The following BCKDHB variants were observed in gnomAD, a reference collection of about 807,000 sequenced individuals.
BCKDHB encodes the protein 2-oxoisovalerate dehydrogenase subunit beta, mitochondrial.
A neutral mutation model predicts 48.5 loss-of-function variants in BCKDHB; 41 were observed. The ratio of observed to expected loss-of-function variants is 0.85; its 90% confidence interval spans 0.66 to 1.10. The LOEUF (loss-of-function observed/expected upper bound fraction) is 1.10. Ranked by LOEUF, BCKDHB falls within the 50% of genes least tolerant of loss-of-function variation. BCKDHB has a pLI of 0.00. For missense variants in BCKDHB, 496 were observed against 494.2 expected, an observed-to-expected ratio of 1.00 and a Z score of -0.03; for synonymous variants, 201 against 174.8, an observed-to-expected ratio of 1.15 and a Z score of -1.18.
At chr6:80,116,489 A>G (rs998363828) in intron 1 of BCKDHB, among the ~76,000 whole-genome samples, 4 of 152,256 alleles carry the variant, frequency 2.6e-5, no homozygotes, top group Non-Finnish European at 5.9e-5. Flanking sequence ...GATCAAAAGC[A>G]TTTAAGGATA....
chr6:80,356,617 C>A, the BCKDHB span: 2 of 151,900 alleles, frequency 1.3e-5, no homozygotes, highest in African/African-American at 4.8e-5. Flanking sequence ...GAGAACATAG[C>A]CATGTTAGGG....
At chr6:80,419,649 C>T in the BCKDHB span, among the ~76,000 whole-genome samples, 2 of 152,170 alleles carry the variant, frequency 1.3e-5, no homozygotes, top group Non-Finnish European at 2.9e-5. Flanking sequence ...ACCCCATCAA[C>T]TGATGTGTCT....
chr6:80,237,861 A>G (rs1278451775), intron 8 of BCKDHB, among the ~76,000 whole-genome samples: 1 of 152,222 alleles, frequency 6.6e-6, no homozygotes, highest in Non-Finnish European at 1.5e-5. Context: ...GGCCATCCCT[A>G]TCAGCTGGAG....
chr6:80,191,902 A>G (rs1309604189), intron 6 of BCKDHB, among the ~76,000 whole-genome samples: 2 of 152,210 alleles, frequency 1.3e-5, no homozygotes, highest in Admixed American at 6.5e-5. Flanking sequence ...CAATTTTTTA[A>G]TGAATTCATT....
intron 8 of BCKDHB, among the ~76,000 whole-genome samples, chr6:80,246,274 A>C (rs913010509): frequency 2.6e-5 from 4 of 152,188 alleles, no homozygotes; most frequent in African/African-American, 7.2e-5. Context: ...AAGCATTGAG[A>C]GAAGGAAGGT....
At position 80,204,088 on chromosome 6, in the gene BCKDHB, T is replaced by C. The variant is rs74993713; in HGVS notation, c.951+876T>C. ...TGACATGTATTATTTTTTCTTGATA[T>C]ACTGCTATAGTATAGGGCATTTTAT... is the stretch of plus-strand genomic sequence containing the variant. On this transcript the variant is annotated intron_variant, in intron 8 of 9. Coordinates refer to ENST00000320393, the MANE Select transcript of BCKDHB (RefSeq NM_183050.4). Among the ~76,000 whole-genome samples the C allele has an allele frequency of 9.1e-3, 1,388 of 152,244 alleles. 27 individuals are homozygous for C. The highest frequency in any genetic ancestry group is 0.031 in the African/African-American group (1,298 of 41,564).
chr6:80,168,895 GTATCGC>G lies in BCKDHB; in HGVS notation c.506_511del (p.Tyr169_Arg170del). The stretch of plus-strand genomic sequence containing the variant: ...CTCAGATTGTTAATGAAGCTGCCAA[GTATCGC>G]TATCGCTCTGGGGATCTTTTTAACT... On this transcript the variant is annotated inframe_deletion, in exon 5 of 10. Transcript: ENST00000320393. 6.2e-7 allele frequency: 1 copy of G among 1,614,110 alleles called. No individual in the cohort carries two copies. The highest frequency in any genetic ancestry group is 8.5e-7 in the Non-Finnish European group (1 of 1,179,986).
chr6:80,126,839 T>G (rs575529772), intron 1 of BCKDHB, among the ~76,000 whole-genome samples: 5 of 152,250 alleles, frequency 3.3e-5, no homozygotes, highest in Admixed American at 3.3e-4. Flanking sequence ...AAGGTGAAGA[T>G]AGAAGGACAT....
intron 6 of BCKDHB, among the ~76,000 whole-genome samples, chr6:80,185,228 T>G (rs1419820209): frequency 6.6e-6 from 1 of 152,180 alleles, no homozygotes; most frequent in Non-Finnish European, 1.5e-5. Context: ...GCAGTGTATT[T>G]TTTATTTCTC....
chr6:80,388,378 A>G, the BCKDHB span, among the ~76,000 whole-genome samples: 300 of 152,264 alleles, frequency 2.0e-3, 2 homozygotes, highest in African/African-American at 7.0e-3. Flanking sequence ...AGACCCTGCC[A>G]TTATCTGCAG....
At chr6:80,173,613 C>T (rs1359915487) in intron 6 of BCKDHB, among the ~76,000 whole-genome samples, 1 of 152,114 alleles carries the variant, frequency 6.6e-6, no homozygotes, top group Non-Finnish European at 1.5e-5. Context: ...ATAGATTATT[C>T]TGATCCATGC....
the BCKDHB span, among the ~76,000 whole-genome samples, chr6:80,393,360 A>G: frequency 6.6e-6 from 1 of 152,146 alleles, no homozygotes; most frequent in Non-Finnish European, 1.5e-5. Flanking sequence ...CAGTGTTAGG[A>G]AGTGGGGCCT....
At chr6:80,134,919 T>A (rs941098662) in intron 3 of BCKDHB, among the ~76,000 whole-genome samples, 2 of 151,832 alleles carry the variant, frequency 1.3e-5, no homozygotes, top group African/African-American at 4.8e-5. Flanking sequence ...GCCTGGCTGA[T>A]TTTTGTATTT....
chr6:80,343,474 AAC>A, intron 9 of BCKDHB, 188 bp from the exon 10 acceptor site: 2 of 647,932 alleles, frequency 3.1e-6, no homozygotes, highest in Non-Finnish European at 2.6e-6. Flanking sequence ...CATACATGAA[AAC>A]ACATAATAAA....
intron 3 of BCKDHB, among the ~76,000 whole-genome samples, chr6:80,137,961 AC>A (rs1340524653): frequency 6.6e-6 from 1 of 152,002 alleles, no homozygotes; most frequent in Non-Finnish European, 1.5e-5. Context: ...GCAGGGTGGC[AC>A]ACAGCTGTAG....
chr6:80,175,990 G>A (rs1236663595), intron 6 of BCKDHB, among the ~76,000 whole-genome samples: 1 of 152,150 alleles, frequency 6.6e-6, no homozygotes. Flanking sequence ...TGGAACTTAG[G>A]TCCATCTCTC....
chr6:80,350,486 A>G (rs1447451998), downstream of BCKDHB, among the ~76,000 whole-genome samples: 2 of 152,042 alleles, frequency 1.3e-5, no homozygotes, highest in Non-Finnish European at 2.9e-5. Context: ...CAGACCATGT[A>G]TGGTTGTGTT....
At chr6:80,152,779 G>A (rs958483741) in intron 3 of BCKDHB, among the ~76,000 whole-genome samples, 1 of 152,136 alleles carries the variant, frequency 6.6e-6, no homozygotes, top group Non-Finnish European at 1.5e-5. Flanking sequence ...ATGGTGAGTT[G>A]GTCCTGTACT....
intron 3 of BCKDHB, among the ~76,000 whole-genome samples, chr6:80,143,187 G>GT (rs1251745247): frequency 6.6e-6 from 1 of 152,102 alleles, no homozygotes; most frequent in Non-Finnish European, 1.5e-5. Context: ...GGAGTTGCAT[G>GT]TGTGATAGCC....
Sources: allele counts gnomAD v4.1 joint callset (sites outside exome capture counted in the v4.1 genomes callset), GRCh38; gene constraint gnomAD v4.1.1; transcripts MANE v1.5; gene names NCBI Gene and HGNC (gene_info 2026-07-23, HGNC 2026-07-21).